The following GAD2 variants were observed in gnomAD, a reference collection of about 807,000 sequenced individuals.
GAD2 encodes glutamate decarboxylase 2, also known as 65 kDa glutamic acid decarboxylase.
A neutral mutation model predicts 80.1 loss-of-function variants in GAD2; 22 were observed. The observed-to-expected ratio is 0.27, with a 90% CI of 0.20 to 0.39. The LOEUF (loss-of-function observed/expected upper bound fraction) is 0.39. Ranked by LOEUF, GAD2 falls within the 10% of genes least tolerant of loss-of-function variation. The pLI, the probability that GAD2 is intolerant of heterozygous loss-of-function variation, is 1.00. For synonymous variants in GAD2, 274 were observed against 256.9 expected (o/e 1.07, Z -0.64); for missense variants, 624 against 738.4 (o/e 0.85, Z 1.80).
At chr10:26,259,211 A>G (rs932419790) in intron 8 of GAD2, among the ~76,000 whole-genome samples, 2 of 152,252 alleles carry the variant, frequency 1.3e-5, no homozygotes, top group Non-Finnish European at 2.9e-5. Flanking sequence ...ATTTTGGAGT[A>G]GATACCTAAC....
chr10:26,273,577 CTA>C, intron 10 of GAD2, 57 bp from the exon 11 acceptor site: 5 of 1,392,398 alleles, frequency 3.6e-6, no homozygotes, highest in Non-Finnish European at 5.1e-6. Flanking sequence ...AGACACCAGA[CTA>C]TAGAAATCTA....
At chr10:26,245,231 G>C (rs1564661066) in intron 7 of GAD2, among the ~76,000 whole-genome samples, 1 of 151,548 alleles carries the variant, frequency 6.6e-6, no homozygotes, top group African/African-American at 2.4e-5. Flanking sequence ...TGGGGGTGTG[G>C]GGGGAGGGAG....
At chr10:26,292,435 C>T (rs571881502) in intron 13 of GAD2, 30 bp from the exon 14 acceptor site, 6 of 1,543,474 alleles carry the variant, frequency 3.9e-6, no homozygotes, top group Non-Finnish European at 5.4e-6. Context: ...TCTTAGCCTG[C>T]TTAATGAGCT....
At chr10:26,264,579 G>T (rs1564666231) in intron 8 of GAD2, among the ~76,000 whole-genome samples, 1 of 152,054 alleles carries the variant, frequency 6.6e-6, no homozygotes, top group South Asian at 2.1e-4. Context: ...CAAAGTGCTG[G>T]GATAACAGGC....
chr10:26,298,686 G>A (rs767984800), intron 15 of GAD2, among the ~76,000 whole-genome samples: 1 of 152,178 alleles, frequency 6.6e-6, no homozygotes, highest in Admixed American at 6.5e-5. Flanking sequence ...TAAAGGGCAA[G>A]CGTGATTTAT....
intron 11 of GAD2, among the ~76,000 whole-genome samples, chr10:26,277,594 C>T (rs1044382518): frequency 7.9e-5 from 12 of 152,136 alleles, no homozygotes; most frequent in African/African-American, 2.7e-4. Context: ...CTCTTAGGAA[C>T]GTCCAGGTGC....
chr10:26,280,911 AG>A, intron 11 of GAD2, 97 bp from the exon 12 acceptor site: 1 of 730,502 alleles, frequency 1.4e-6, no homozygotes, highest in Non-Finnish European at 2.4e-6. Context: ...GTCAATCTGG[AG>A]TCTGAGAAAC....
At chr10:26,228,020 C>A (rs1241305399) in intron 6 of GAD2, among the ~76,000 whole-genome samples, 1 of 152,232 alleles carries the variant, frequency 6.6e-6, no homozygotes, top group Non-Finnish European at 1.5e-5. Context: ...CATACCCCTG[C>A]CTGGGCCATT....
chr10:26,304,022 C>T lies in GAD2; in HGVS notation c.*3061C>T, dbSNP rs995206166. The T allele has an allele frequency of 1.3e-5, 2 of 152,282 alleles. No homozygotes were observed. Among genetic ancestry groups the T allele is most frequent in the East Asian group, 3.9e-4 (2 of 5,192 alleles). The allele number at this position is 152,282 out of a possible 1,614,324, so 9.4% of individuals were successfully genotyped here. A position where few individuals can be genotyped will look rare whatever the true frequency, so the allele number is the denominator to read the frequency against. On this transcript the variant is annotated 3_prime_UTR_variant, in exon 16 of 16. Coordinates refer to ENST00000376261, the MANE Select transcript of GAD2 (RefSeq NM_001134366.2). ...TTTCCTAACTATATGCCCTCCACAT[C>T]GGCTCTAATAGAGAACATGCCCTCA...
intron 7 of GAD2, among the ~76,000 whole-genome samples, chr10:26,230,917 A>G (rs11015005): frequency 6.6e-6 from 1 of 151,960 alleles, no homozygotes; most frequent in Admixed American, 6.5e-5. Flanking sequence ...GTGAAACCTC[A>G]TCTCTACTAA....
In GAD2 at chr10:26,286,365, C is replaced by CA. The variant is rs765491457; in HGVS notation, c.1257_1258insA (p.Gln420ThrfsTer12). The CA allele has an allele frequency of 6.2e-7, 1 of 1,613,476 alleles. No individual in the cohort carries two copies. The highest frequency in any genetic ancestry group is 1.7e-5 in the Admixed American group (1 of 59,856). ...TGTAGGGATTGATGCAGAATTGCAA[C>CA]CAAATGCATGCCTCCTACCTCTTTC... On this transcript the variant is annotated frameshift_variant, in exon 13 of 16. Coordinates refer to ENST00000376261, the MANE Select transcript of GAD2 (RefSeq NM_001134366.2). LOFTEE classifies it high-confidence loss of function.
chr10:26,255,646 AGGGGAG>A (rs71908996), intron 8 of GAD2, among the ~76,000 whole-genome samples: 50,776 of 127,290 alleles, frequency 0.4, 10,393 homozygotes, highest in African/African-American at 0.59. Context: ...GGAAAAGGGG[AGGGGAG>A]GGGGAAGGGG....
At chr10:26,221,050 TAA>T (rs1486440348) in intron 4 of GAD2, among the ~76,000 whole-genome samples, 3 of 152,232 alleles carry the variant, frequency 2.0e-5, no homozygotes, top group African/African-American at 7.2e-5. Flanking sequence ...ATAGTTTTCA[TAA>T]CATATTTAGT....
At chr10:26,261,924 C>G (rs182721153) in intron 8 of GAD2, among the ~76,000 whole-genome samples, 61 of 152,242 alleles carry the variant, frequency 4.0e-4, no homozygotes, top group Non-Finnish European at 3.2e-4. Flanking sequence ...AAAGGATTTC[C>G]TAGTAGTACA....
intron 13 of GAD2, among the ~76,000 whole-genome samples, chr10:26,289,397 C>A (rs565837749): frequency 1.3e-5 from 2 of 152,034 alleles, no homozygotes; most frequent in Non-Finnish European, 2.9e-5. Flanking sequence ...ACATTTTCTC[C>A]TAAGATAAAC....
rs927799255 is a variant in GAD2 at position 26,301,893 on chromosome 10, C to T, written c.*932C>T. On this transcript the variant is annotated 3_prime_UTR_variant, in exon 16 of 16. Coordinates refer to ENST00000376261, the MANE Select transcript of GAD2 (RefSeq NM_001134366.2). ...ATTGTCTCTATTCTGCTTTCCAGTTCGGCCTGTTTTGAACAGAAGGTTGAT... is the reference window on the plus strand; with the variant it reads ...ATTGTCTCTATTCTGCTTTCCAGTTTGGCCTGTTTTGAACAGAAGGTTGAT... 8.5e-5 allele frequency: 13 copies of T among 152,118 alleles called. No individual in the cohort carries two copies. Among genetic ancestry groups the T allele is most frequent in the African/African-American group, 2.4e-4 (10 of 41,422 alleles). The allele number at this position is 152,118 out of a possible 1,614,324, so 9.4% of individuals were successfully genotyped here. A position where few individuals can be genotyped will look rare whatever the true frequency, so the allele number is the denominator to read the frequency against.
chr10:26,269,513 G>C (rs1845109578), intron 9 of GAD2, among the ~76,000 whole-genome samples: 1 of 152,234 alleles, frequency 6.6e-6, no homozygotes, highest in South Asian at 2.1e-4. Context: ...TGCAGTATGT[G>C]AGAGACCCTG....
Position 26,216,889 on chromosome 10 carries a change from G to GGA in GAD2, c.76+5_76+6dup. 8 of 1,609,188 alleles carry GGA rather than the reference G, an allele frequency of 5.0e-6. No individual in the cohort carries two copies. The highest frequency in any genetic ancestry group is 6.8e-6 in the Non-Finnish European group (8 of 1,177,816). ...GATTCCGAGAATCCCGGCACAGGTA[G>GGA]GAAGGAGAACGGGGGCCTGCGGCGG... On this transcript the variant is annotated splice_donor_region_variant and intron_variant, in intron 1 of 15. Transcript: ENST00000376261. The surrounding 1 kb of genome is among the most constrained non-coding windows in gnomAD (Gnocchi z 4.7).
chr10:26,251,230 A>G (rs1844878121), intron 8 of GAD2, among the ~76,000 whole-genome samples: 1 of 151,946 alleles, frequency 6.6e-6, no homozygotes, highest in South Asian at 2.1e-4. Flanking sequence ...ACATGATAAC[A>G]TGAGTATTTT....
Sources: allele counts gnomAD v4.1 joint callset (sites outside exome capture counted in the v4.1 genomes callset), GRCh38; gene constraint gnomAD v4.1.1; non-coding constraint Gnocchi (gnomAD v3.1); transcripts MANE v1.5; gene names NCBI Gene and HGNC (gene_info 2026-07-23, HGNC 2026-07-21).